The following PSTPIP2 variants were observed in gnomAD, a reference collection of about 807,000 sequenced individuals.
PSTPIP2 encodes the protein proline-serine-threonine phosphatase-interacting protein 2.
Under a neutral mutation model 63.3 loss-of-function variants are expected in PSTPIP2, and 33 were observed. The observed-to-expected ratio is 0.52, with a 90% CI of 0.40 to 0.70. PSTPIP2 has a LOEUF of 0.70. Among genes scored for constraint, PSTPIP2 ranks in the 30% least tolerant of loss-of-function variants. The pLI, the probability that PSTPIP2 is intolerant of heterozygous loss-of-function variation, is 0.00. For synonymous variants in PSTPIP2, 125 were observed against 132.7 expected, an observed-to-expected ratio of 0.94 and a Z score of 0.40; for missense variants, 312 against 400.7, an observed-to-expected ratio of 0.78 and a Z score of 1.89.
intron 12 of PSTPIP2, among the ~76,000 whole-genome samples, chr18:45,991,312 G>A (rs72642432): frequency 0.19 from 28,617 of 152,006 alleles, 3,283 homozygotes; most frequent in East Asian, 0.41. Context: ...GAACGGCAGC[G>A]AACTTTTTGA....
chr18:46,047,584 T>TGTGCCTGAGGCAGGAGAATCGCTTGAAC (rs1908429275), intron 1 of PSTPIP2, among the ~76,000 whole-genome samples: 1 of 151,910 alleles, frequency 6.6e-6, no homozygotes, highest in Admixed American at 6.6e-5. Flanking sequence ...AGAGCGAGAA[T>TGTGCCTGAGGCAGGAGAATCGCTTGAAC]GTGCCTGAGG....
At chr18:45,986,694 T>A (rs1228343893) in intron 14 of PSTPIP2, among the ~76,000 whole-genome samples, 4 of 152,256 alleles carry the variant, frequency 2.6e-5, no homozygotes, top group African/African-American at 9.6e-5. Context: ...TGTAGATTTG[T>A]AGGTCCTAAG....
At chr18:46,062,541 T>C (rs969693300) in intron 1 of PSTPIP2, among the ~76,000 whole-genome samples, 1 of 152,078 alleles carries the variant, frequency 6.6e-6, no homozygotes, top group African/African-American at 2.4e-5. Context: ...TTTTTTTTTT[T>C]GGAGACGGAG....
chr18:46,070,834 A>G (rs1290924614), intron 1 of PSTPIP2, among the ~76,000 whole-genome samples: 1 of 152,156 alleles, frequency 6.6e-6, no homozygotes, highest in Admixed American at 6.5e-5. Context: ...TACTGTTAGT[A>G]TCACGTCTGC....
At chr18:45,996,962 C>T (rs2051602180) in intron 9 of PSTPIP2, among the ~76,000 whole-genome samples, 1 of 152,118 alleles carries the variant, frequency 6.6e-6, no homozygotes, top group Non-Finnish European at 1.5e-5. Flanking sequence ...AGCCTACTCA[C>T]TTGCTGTTGG....
intron 1 of PSTPIP2, among the ~76,000 whole-genome samples, chr18:46,048,939 A>C (rs1291454208): frequency 1.3e-5 from 2 of 152,070 alleles, no homozygotes; most frequent in Non-Finnish European, 2.9e-5. Flanking sequence ...GAAAATACAC[A>C]TTGAAATGTT....
chr18:46,002,940 T>C (rs990703041), intron 6 of PSTPIP2, among the ~76,000 whole-genome samples: 2 of 152,352 alleles, frequency 1.3e-5, no homozygotes, highest in South Asian at 4.1e-4. Context: ...CTTTCTGGTA[T>C]GAAGAGTGAT....
At chr18:46,022,895 G>A (rs1347259654) in intron 3 of PSTPIP2, among the ~76,000 whole-genome samples, 1 of 152,132 alleles carries the variant, frequency 6.6e-6, no homozygotes, top group African/African-American at 2.4e-5. Context: ...ACTGAATAAA[G>A]AAAATGTGGT....
chr18:46,047,034 C>T (rs1016094834), intron 1 of PSTPIP2, among the ~76,000 whole-genome samples: 2 of 152,216 alleles, frequency 1.3e-5, no homozygotes, highest in Admixed American at 6.5e-5. Context: ...TTTCCTTATT[C>T]GCTTTCCTTG....
At chr18:46,037,299 C>T (rs1162535494) in intron 2 of PSTPIP2, among the ~76,000 whole-genome samples, 2 of 152,056 alleles carry the variant, frequency 1.3e-5, no homozygotes, top group South Asian at 2.1e-4. Flanking sequence ...ATTACAGCTA[C>T]ACCATGCCCA....
intron 2 of PSTPIP2, chr18:46,029,095 C>A: frequency 1.2e-6 from 1 of 818,140 alleles, no homozygotes; most frequent in South Asian, 1.3e-5. Flanking sequence ...GAAAGGTTTC[C>A]AAACTGTAAG....
At chr18:46,040,228 A>G in intron 1 of PSTPIP2, 181 bp from the exon 2 acceptor site, 1 of 475,464 alleles carries the variant, frequency 2.1e-6, no homozygotes, top group Non-Finnish European at 3.7e-6. Flanking sequence ...GAGATGAAAG[A>G]ACATGTTTCA....
chr18:45,992,864 AG>A (rs2051552566), intron 10 of PSTPIP2, among the ~76,000 whole-genome samples: 1 of 152,028 alleles, frequency 6.6e-6, no homozygotes, highest in Admixed American at 6.6e-5. Context: ...CTGGGATTAG[AG>A]GCACATGCCA....
intron 10 of PSTPIP2, among the ~76,000 whole-genome samples, chr18:45,992,603 G>A (rs999842511): frequency 3.3e-5 from 5 of 151,632 alleles, no homozygotes; most frequent in African/African-American, 9.7e-5. Flanking sequence ...GGGTTTGATA[G>A]AGAGCTGACT....
intron 14 of PSTPIP2, 105 bp downstream of exon 14, chr18:45,988,581 TACCTGCCTCATGCAAG>T (rs1443427235): frequency 2.4e-6 from 2 of 819,184 alleles, no homozygotes; most frequent in African/African-American, 3.4e-5. Flanking sequence ...CTGGCCAGTG[TACCTGCCTCATGCAAG>T]GCCTTGCTAG....
intron 1 of PSTPIP2, among the ~76,000 whole-genome samples, chr18:46,041,548 A>T (rs956552717): frequency 1.3e-5 from 2 of 152,076 alleles, no homozygotes; most frequent in African/African-American, 4.8e-5. Context: ...CCAAATTTTT[A>T]AATTAGCAGT....
intron 1 of PSTPIP2, among the ~76,000 whole-genome samples, chr18:46,059,219 T>A (rs1410056194): frequency 2.6e-5 from 4 of 151,908 alleles, no homozygotes; most frequent in Non-Finnish European, 5.9e-5. Flanking sequence ...ATATTTTTAA[T>A]GGAGACAGTG....
At position 45,993,670 on chromosome 18, in the gene PSTPIP2, A is replaced by T. The variant is rs199558807; in HGVS notation, c.676T>A (p.Phe226Ile). 1.9e-6 allele frequency: 3 copies of T among 1,614,212 alleles called. No individual in the cohort carries two copies. Among genetic ancestry groups the T allele is most frequent in the South Asian group, 2.2e-5 (2 of 91,082 alleles). ...TGTAACCACAATGCATTCCGGAAGA[A>T]GTTTATTCGTTCACATTCTTGAGCC... is the stretch of plus-strand genomic sequence containing the variant. ...FEAQECERIN[F>I]FRNALWLHVN... Residue 226 changes from phenylalanine to isoleucine, a missense_variant, in exon 10 of 15, where the codon TTC becomes ATC. Phe to Ile is a conservative substitution (Grantham distance 21). Coordinates refer to ENST00000409746, the MANE Select transcript of PSTPIP2 (RefSeq NM_024430.4).
intron 5 of PSTPIP2, among the ~76,000 whole-genome samples, chr18:46,006,305 C>T (rs867096215): frequency 6.7e-6 from 1 of 149,252 alleles, no homozygotes. Context: ...CCACCCAGCT[C>T]GGCCTCCCAA....
Sources: gnomAD v4.1 joint callset for allele counts (sites outside exome capture counted in the v4.1 genomes callset) on GRCh38, gnomAD v4.1.1 for gene constraint, MANE v1.5 for transcripts, NCBI Gene and HGNC (gene_info 2026-07-23, HGNC 2026-07-21) for gene names.